CCDC91: variants seen among roughly 807,000 people sequenced by gnomAD.
The protein encoded by CCDC91 is coiled-coil domain-containing protein 91.
Under a neutral mutation model 63.2 loss-of-function variants are expected in CCDC91, and 48 were observed. That is an observed-to-expected ratio of 0.76 (90% confidence interval 0.60 to 0.97). The LOEUF (loss-of-function observed/expected upper bound fraction) is 0.97, where lower values mean the gene tolerates loss of function less well. Ranked by LOEUF, CCDC91 falls within the 50% of genes least tolerant of loss-of-function variation. The pLI, the probability that CCDC91 is intolerant of heterozygous loss-of-function variation, is 0.00. For synonymous variants in CCDC91, 167 were observed against 165.8 expected (o/e 1.01, Z -0.06); for missense variants, 500 against 494.6 (o/e 1.01, Z -0.10).
chr12:28,399,379 T>A (rs538170020), intron 8 of CCDC91, among the ~76,000 whole-genome samples: 62 of 152,264 alleles, frequency 4.1e-4, no homozygotes, highest in African/African-American at 1.4e-3. Context: ...CCACTGGGTT[T>A]CTCCTGCAAC....
chr12:28,259,151 A>G (rs1423716065), intron 2 of CCDC91, among the ~76,000 whole-genome samples: 8 of 152,120 alleles, frequency 5.3e-5, no homozygotes, highest in African/African-American at 1.9e-4. Flanking sequence ...TAAGGAAAAA[A>G]TTTTTACTTG....
intron 8 of CCDC91, among the ~76,000 whole-genome samples, chr12:28,441,057 C>CAAAAAAAAAAAAAAAAAAAAAAAAA (rs60278449): frequency 3.8e-5 from 2 of 52,698 alleles, no homozygotes; most frequent in Non-Finnish European, 6.2e-5. Context: ...GACTCCATCT[C>CAAAAAAAAAAAAAAAAAAAAAAAAA]AAAAAAAAAA....
intron 8 of CCDC91, among the ~76,000 whole-genome samples, chr12:28,412,463 T>A (rs12810727): frequency 4.4e-4 from 67 of 152,150 alleles, no homozygotes; most frequent in Non-Finnish European, 9.0e-4. Flanking sequence ...CCTGCCATCA[T>A]CTCTTCCCCA....
intron 1 of CCDC91, among the ~76,000 whole-genome samples, chr12:28,254,689 T>C (rs1461730053): frequency 7.2e-5 from 11 of 152,116 alleles, no homozygotes; most frequent in Non-Finnish European, 1.5e-5. Flanking sequence ...TCTCTAGAAT[T>C]ATATGTTAAG....
chr12:28,381,934 G>C (rs947963128), intron 7 of CCDC91, among the ~76,000 whole-genome samples: 1 of 152,042 alleles, frequency 6.6e-6, no homozygotes, highest in Non-Finnish European at 1.5e-5. Context: ...ATCTGTTCTG[G>C]GGATGGCATC....
intron 6 of CCDC91, among the ~76,000 whole-genome samples, chr12:28,326,550 C>A (rs184460060): frequency 0.22 from 24,219 of 109,516 alleles, 2,192 homozygotes; most frequent in Middle Eastern, 0.31. Context: ...TCCCTCCCCC[C>A]TCCCCCCACC....
At chr12:28,543,900 A>T (rs541172353) in intron 12 of CCDC91, among the ~76,000 whole-genome samples, 1 of 151,818 alleles carries the variant, frequency 6.6e-6, no homozygotes, top group Non-Finnish European at 1.5e-5. Flanking sequence ...TCCATCAGCA[A>T]CTCAAGTTGG....
intron 1 of CCDC91, among the ~76,000 whole-genome samples, chr12:28,205,328 C>T (rs1414588871): frequency 6.6e-6 from 1 of 150,794 alleles, no homozygotes; most frequent in Non-Finnish European, 1.5e-5. Context: ...GATACTGGTA[C>T]TCAATTACAT....
At chr12:28,385,568 G>A (rs1945548181) in intron 7 of CCDC91, among the ~76,000 whole-genome samples, 2 of 152,020 alleles carry the variant, frequency 1.3e-5, no homozygotes, top group African/African-American at 2.4e-5. Flanking sequence ...TGACTTAATG[G>A]GTTGTTAGAT....
chr12:28,414,636 A>G lies in CCDC91; in HGVS notation c.762+23225A>G, dbSNP rs182256171. On this transcript the variant is annotated intron_variant, in intron 8 of 12. Transcript: ENST00000536442. ...CACAGGCATTTGATCACACTTGGCTATTCATTTGAGTATCAGTCATTACAT... is the reference window on the plus strand; with the variant it reads ...CACAGGCATTTGATCACACTTGGCTGTTCATTTGAGTATCAGTCATTACAT... Among the ~76,000 whole-genome samples, 39 of 152,290 alleles carry G rather than the reference A, an allele frequency of 2.6e-4. No individual in the cohort carries two copies. In the East Asian group the frequency reaches 6.0e-3, roughly 23 times the overall value.
chr12:28,345,199 A>G (rs114845960), intron 6 of CCDC91, among the ~76,000 whole-genome samples: 1,621 of 152,032 alleles, frequency 0.011, 37 homozygotes, highest in African/African-American at 0.037. Context: ...TATCCTTCCA[A>G]ATATATTTTA....
intron 12 of CCDC91, among the ~76,000 whole-genome samples, chr12:28,504,018 T>C (rs1267067918): frequency 6.6e-6 from 1 of 152,022 alleles, no homozygotes; most frequent in Non-Finnish European, 1.5e-5. Context: ...CACACCAGCA[T>C]GGCACATGTA....
At chr12:28,324,736 T>A (rs943575161) in intron 6 of CCDC91, among the ~76,000 whole-genome samples, 1 of 151,952 alleles carries the variant, frequency 6.6e-6, no homozygotes, top group African/African-American at 2.4e-5. Flanking sequence ...AGTTAGTTCA[T>A]GTTCTGAAGT....
At chr12:28,381,709 AT>A (rs1372469051) in intron 7 of CCDC91, among the ~76,000 whole-genome samples, 3 of 152,108 alleles carry the variant, frequency 2.0e-5, no homozygotes, top group African/African-American at 7.2e-5. Flanking sequence ...CATGTAGCCA[AT>A]TTTTTTGATA....
intron 1 of CCDC91, among the ~76,000 whole-genome samples, chr12:28,209,423 A>G (rs566884926): frequency 6.6e-6 from 1 of 152,226 alleles, no homozygotes; most frequent in Admixed American, 6.5e-5. Context: ...AATAACGTTA[A>G]TTATTTATTA....
chr12:28,514,030 A>AT (rs1223890474), intron 12 of CCDC91, among the ~76,000 whole-genome samples: 1 of 151,880 alleles, frequency 6.6e-6, no homozygotes, highest in Non-Finnish European at 1.5e-5. Context: ...TCTTTGAGGA[A>AT]TTGCCCACTT....
At chr12:28,366,393 A>G (rs542267053) in intron 7 of CCDC91, among the ~76,000 whole-genome samples, 1 of 152,306 alleles carries the variant, frequency 6.6e-6, no homozygotes, top group East Asian at 1.9e-4. Context: ...CTCTAACCAA[A>G]AGCCTCCACC....
rs113343493 is a variant in CCDC91, at chr12:28,539,326, G to A, written c.1216-9737G>A. On this transcript the variant is annotated intron_variant, in intron 12 of 12. Coordinates refer to ENST00000536442, the MANE Select transcript of CCDC91 (RefSeq NM_018318.5). The stretch of plus-strand genomic sequence containing the variant: ...ATCCAGTTTCAGCTTTCTACATTTG[G>A]CTAGCCAGTTTTCCCAGCACCATTT... 4.4e-3 allele frequency among the ~76,000 whole-genome samples: 677 copies of A among 152,206 alleles called. 4 individuals are homozygous for A. The highest frequency in any genetic ancestry group is 0.016 in the African/African-American group (660 of 41,536).
At chr12:28,193,461 C>T (rs1404215390) in intron 1 of CCDC91, among the ~76,000 whole-genome samples, 3 of 152,108 alleles carry the variant, frequency 2.0e-5, no homozygotes, top group South Asian at 2.1e-4. Context: ...ATTAGCTGGG[C>T]GTGGTTGCGG....
Sources: allele counts gnomAD v4.1 joint callset (sites outside exome capture counted in the v4.1 genomes callset), GRCh38; gene constraint gnomAD v4.1.1; transcripts MANE v1.5; gene names NCBI Gene and HGNC (gene_info 2026-07-23, HGNC 2026-07-21).